The following SAMMSON variants were observed in gnomAD, a reference collection of about 807,000 sequenced individuals.
SAMMSON encodes long intergenic non-protein coding RNA 1212.
chr3:70,345,525 AC>A (rs1235910526), intron 7 of SAMMSON, among the ~76,000 whole-genome samples: 1 of 152,024 alleles, frequency 6.6e-6, no homozygotes, highest in Non-Finnish European at 1.5e-5. Flanking sequence ...ATTAAAGCTC[AC>A]TCTTTGTGCT....
At chr3:70,256,802 A>T (rs1701820932) in intron 6 of SAMMSON, among the ~76,000 whole-genome samples, 1 of 152,200 alleles carries the variant, frequency 6.6e-6, no homozygotes, top group African/African-American at 2.4e-5. Context: ...AAACATATGT[A>T]ATATACTAAT....
At chr3:70,154,639 G>A (rs192553224) in intron 4 of SAMMSON, among the ~76,000 whole-genome samples, 19 of 152,214 alleles carry the variant, frequency 1.2e-4, no homozygotes, top group African/African-American at 2.4e-4. Flanking sequence ...GTACTTGAGC[G>A]AATGGCCTTG....
At chr3:70,366,753 C>G (rs924294076) in intron 9 of SAMMSON, among the ~76,000 whole-genome samples, 1 of 151,534 alleles carries the variant, frequency 6.6e-6, no homozygotes, top group African/African-American at 2.4e-5. Flanking sequence ...AGCTGCTGAA[C>G]TGTTTTTAAA....
At chr3:70,157,089 C>A (rs1219137388) in intron 4 of SAMMSON, among the ~76,000 whole-genome samples, 2 of 152,066 alleles carry the variant, frequency 1.3e-5, no homozygotes, top group Non-Finnish European at 2.9e-5. Context: ...TTGTCAGCAG[C>A]TAAAGAAGGA....
At chr3:70,043,258 G>C (rs114214975) in intron 3 of SAMMSON, among the ~76,000 whole-genome samples, 1,698 of 152,110 alleles carry the variant, frequency 0.011, 7 homozygotes, top group Non-Finnish European at 0.017. Context: ...ACCCCAAATT[G>C]TTTTATCACT....
chr3:70,361,793 G>T (rs1702872401), intron 9 of SAMMSON, among the ~76,000 whole-genome samples: 2 of 152,156 alleles, frequency 1.3e-5, no homozygotes, highest in African/African-American at 4.8e-5. Flanking sequence ...GAACTCGGCT[G>T]CAGGCAACAT....
chr3:70,403,114 G>C (rs916465076), intron 2 of SAMMSON, among the ~76,000 whole-genome samples: 6 of 152,098 alleles, frequency 3.9e-5, no homozygotes, highest in African/African-American at 1.4e-4. Context: ...AAAAGAGACT[G>C]TGTGGATAAC....
intron 7 of SAMMSON, among the ~76,000 whole-genome samples, chr3:70,341,421 T>C (rs1300607057): frequency 6.6e-6 from 1 of 152,148 alleles, no homozygotes; most frequent in Non-Finnish European, 1.5e-5. Context: ...AAAGATTGCA[T>C]AGTCTCAGTA....
chr3:70,235,217 C>G (rs1701595568), intron 4 of SAMMSON, among the ~76,000 whole-genome samples: 1 of 152,172 alleles, frequency 6.6e-6, no homozygotes, highest in Non-Finnish European at 1.5e-5. Context: ...TCTTCATCAA[C>G]CGTCGTTCTC....
intron 4 of SAMMSON, among the ~76,000 whole-genome samples, chr3:70,245,195 G>A (rs115982720): frequency 0.015 from 2,239 of 152,014 alleles, 38 homozygotes; most frequent in African/African-American, 0.05. Flanking sequence ...TTCTCTTGGC[G>A]TTAAGTCTGC....
intron 4 of SAMMSON, among the ~76,000 whole-genome samples, chr3:70,159,225 G>A (rs949487249): frequency 6.6e-6 from 1 of 151,680 alleles, no homozygotes; most frequent in African/African-American, 2.4e-5. Flanking sequence ...TGCACAATGT[G>A]CAGGTTTGTT....
At chr3:70,336,814 T>TTGTGTGTG (rs71126494) in intron 7 of SAMMSON, among the ~76,000 whole-genome samples, 3,227 of 126,622 alleles carry the variant, frequency 0.025, 66 homozygotes, top group East Asian at 0.062. Flanking sequence ...AATAGAAAGT[T>TTGTGTGTG]TGTGTGTGTG....
At chr3:70,278,725 T>G (rs947963865) in intron 6 of SAMMSON, among the ~76,000 whole-genome samples, 1 of 152,112 alleles carries the variant, frequency 6.6e-6, no homozygotes, top group African/African-American at 2.4e-5. Context: ...GGTTTTGAAA[T>G]CAGAGACATC....
chr3:70,028,172 TTC>T (rs1559776243), intron 3 of SAMMSON, among the ~76,000 whole-genome samples: 11 of 148,924 alleles, frequency 7.4e-5, no homozygotes, highest in African/African-American at 2.8e-4. Context: ...CCTTCCTTCC[TTC>T]CTTCCTTCCT....
At chr3:70,175,292 C>T (rs1259797860) in intron 4 of SAMMSON, among the ~76,000 whole-genome samples, 9 of 152,056 alleles carry the variant, frequency 5.9e-5, no homozygotes, top group Non-Finnish European at 1.0e-4. Flanking sequence ...TACCTCTCCC[C>T]CTAGTCTAAT....
chr3:70,234,862 T>A (rs980753351), intron 4 of SAMMSON, among the ~76,000 whole-genome samples: 2 of 152,210 alleles, frequency 1.3e-5, no homozygotes, highest in Non-Finnish European at 2.9e-5. Flanking sequence ...TTCTTCTCAC[T>A]TATTCAAATC....
rs571134132 is a variant in SAMMSON at position 70,379,981 on chromosome 3, T to A, written n.914-9593T>A. Among the ~76,000 whole-genome samples, 19 of 152,282 alleles carry A rather than the reference T, an allele frequency of 1.2e-4. No individual in the cohort carries two copies. The South Asian group carries it at 3.9e-3, about 32-fold the overall frequency. On this transcript the variant is annotated intron_variant and non_coding_transcript_variant, in intron 9 of 9. Coordinates refer to ENST00000642114, the Ensembl canonical transcript of SAMMSON. ...ACATCTATCAGTGTACTTTGTTAAA[T>A]ACTTTTGATTTGGGGTGTAATTTTT...
rs565219738 is a variant in SAMMSON at position 70,019,867 on chromosome 3, T to C, written n.417+6195T>C. ...AGAAGTCTTGCAGTAAGGAACCCTG[T>C]TTGGCTTTGTTTGACAGCCTTTGTC... On this transcript the variant is annotated intron_variant and non_coding_transcript_variant, in intron 3 of 9. Transcript: ENST00000642114. Among the ~76,000 whole-genome samples, 11 of 152,276 alleles carry C rather than the reference T, an allele frequency of 7.2e-5. No individual in the cohort carries two copies. In the South Asian group the frequency reaches 2.3e-3, roughly 32 times the overall value.
intron 2 of SAMMSON, among the ~76,000 whole-genome samples, chr3:70,400,142 T>C (rs1701128292): frequency 6.6e-6 from 1 of 152,136 alleles, no homozygotes; most frequent in Non-Finnish European, 1.5e-5. Flanking sequence ...TCTGTTAAAA[T>C]ACATGTAATC....
Sources: gnomAD v4.1 joint callset for allele counts (sites outside exome capture counted in the v4.1 genomes callset) on GRCh38, gnomAD v4.1.1 for gene constraint, MANE v1.5 for transcripts, NCBI Gene and HGNC (gene_info 2026-07-23, HGNC 2026-07-21) for gene names.